PSD3: variants seen among roughly 807,000 people sequenced by gnomAD.
PSD3 encodes the protein PH and SEC7 domain-containing protein 3.
In PSD3, 49 loss-of-function variants were observed where a neutral mutation model predicts 105.5. The observed-to-expected ratio is 0.46, with a 90% confidence interval of 0.37 to 0.59. PSD3 has a LOEUF of 0.59. Ranked by LOEUF, PSD3 falls within the 20% of genes least tolerant of loss-of-function variation. The probability of loss-of-function intolerance (pLI) is 0.00; values close to 1 mark genes in which losing one functional copy is unlikely to be tolerated. For missense variants in PSD3, 1,561 were observed against 1,263.8 expected, an observed-to-expected ratio of 1.24 and a Z score of -3.57; for synonymous variants, 557 against 457.8, an observed-to-expected ratio of 1.22 and a Z score of -2.77.
chr8:18,808,967 T>C (rs1811444742), intron 4 of PSD3: 1 of 1,408,804 alleles, frequency 7.1e-7, no homozygotes, highest in Admixed American at 3.0e-5. Context: ...GTTTCTGTAA[T>C]GTTTCTGCAG....
chr8:19,042,188 T>C (rs1828147075), intron 1 of PSD3, among the ~76,000 whole-genome samples: 1 of 152,224 alleles, frequency 6.6e-6, no homozygotes, highest in Non-Finnish European at 1.5e-5. Context: ...GAGTCCTACA[T>C]TGCACATATG....
At chr8:18,567,473 G>C (rs752814891) in intron 14 of PSD3, among the ~76,000 whole-genome samples, 2 of 152,140 alleles carry the variant, frequency 1.3e-5, no homozygotes, top group Non-Finnish European at 2.9e-5. Context: ...CTGGTCATCA[G>C]TAAGAGCATT....
chr8:18,663,146 G>C (rs1190872844), intron 9 of PSD3, among the ~76,000 whole-genome samples: 1 of 152,162 alleles, frequency 6.6e-6, no homozygotes, highest in East Asian at 1.9e-4. Flanking sequence ...TGAAAGTGAA[G>C]GCCGGGCGCA....
intron 4 of PSD3, among the ~76,000 whole-genome samples, chr8:18,835,320 C>A (rs189054479): frequency 6.6e-6 from 1 of 152,184 alleles, no homozygotes; most frequent in Admixed American, 6.5e-5. Flanking sequence ...CTGTTTTTCA[C>A]GCATTACTCA....
chr8:19,062,312 TG>T lies in PSD3; in HGVS notation c.324+21893del, dbSNP rs140853991. 4.4e-3 allele frequency among the ~76,000 whole-genome samples: 664 copies of T among 152,324 alleles called. 6 individuals carry two copies. The highest frequency in any genetic ancestry group is 0.015 in the African/African-American group (635 of 41,580). ...AGGCAGACTGGTGTTCCTCTCAGTG[TG>T]TTTTGCAGTTGGGATAGAAAGATGA... On this transcript the variant is annotated intron_variant, in intron 1 of 1. Transcript: ENST00000521475.
intron 9 of PSD3, among the ~76,000 whole-genome samples, chr8:18,709,412 G>A (rs542287435): frequency 3.0e-4 from 46 of 152,334 alleles, no homozygotes; most frequent in Admixed American, 5.2e-4. Flanking sequence ...AATCTCTCCC[G>A]CCTGCTGGCT....
At chr8:18,951,021 A>C (rs1823204691) in intron 1 of PSD3, among the ~76,000 whole-genome samples, 1 of 152,156 alleles carries the variant, frequency 6.6e-6, no homozygotes, top group Non-Finnish European at 1.5e-5. Flanking sequence ...CTGCATTTTG[A>C]CTTGACTCCT....
intron 9 of PSD3, among the ~76,000 whole-genome samples, chr8:18,701,074 T>C (rs1016882538): frequency 7.9e-5 from 12 of 151,836 alleles, no homozygotes; most frequent in Non-Finnish European, 1.5e-4. Flanking sequence ...TAAGCAATCC[T>C]CTCACCCCAG....
At chr8:18,994,476 G>C (rs1329536164) in intron 1 of PSD3, among the ~76,000 whole-genome samples, 2 of 152,002 alleles carry the variant, frequency 1.3e-5, no homozygotes, top group African/African-American at 4.8e-5. Context: ...AACTGTGCTT[G>C]TCATACCTGC....
chr8:18,790,543 C>A lies in PSD3; in HGVS notation c.2082+8752G>T, dbSNP rs374702417. On this transcript the variant is annotated intron_variant, in intron 8 of 15. Transcript: ENST00000327040. ...GGTCTCTATCTCCTGACCTCGTGATCTGCCCACCTTGGCCTCCCAAAGTGC... is the reference window on the plus strand; with the variant it reads ...GGTCTCTATCTCCTGACCTCGTGATATGCCCACCTTGGCCTCCCAAAGTGC... Among the ~76,000 whole-genome samples the A allele has an allele frequency of 1.4e-3, 210 of 152,220 alleles. No homozygotes were observed. In the Middle Eastern group the frequency reaches 0.02, roughly 15 times the overall value.
At chr8:18,697,932 A>C (rs1801352666) in intron 9 of PSD3, among the ~76,000 whole-genome samples, 1 of 152,242 alleles carries the variant, frequency 6.6e-6, no homozygotes, top group African/African-American at 2.4e-5. Context: ...GGAAAGATGA[A>C]TAATGGTCCC....
intron 1 of PSD3, among the ~76,000 whole-genome samples, chr8:19,043,570 G>C (rs1237717254): frequency 6.6e-6 from 1 of 152,152 alleles, no homozygotes; most frequent in South Asian, 2.1e-4. Flanking sequence ...TCTATGGTTT[G>C]AGCGTTTGTC....
chr8:18,537,314 A>T (rs1020229829), intron 15 of PSD3, among the ~76,000 whole-genome samples: 1 of 152,106 alleles, frequency 6.6e-6, no homozygotes, highest in African/African-American at 2.4e-5. Flanking sequence ...AAGAAATGAA[A>T]CTCGGATTTG....
intron 1 of PSD3, among the ~76,000 whole-genome samples, chr8:18,964,201 T>A (rs982964995): frequency 6.6e-6 from 1 of 152,206 alleles, no homozygotes; most frequent in Non-Finnish European, 1.5e-5. Context: ...CATGGCTCAA[T>A]GCAGCCTGGA....
chr8:18,982,675 C>T (rs937732680), intron 1 of PSD3, among the ~76,000 whole-genome samples: 1 of 152,180 alleles, frequency 6.6e-6, no homozygotes, highest in Non-Finnish European at 1.5e-5. Flanking sequence ...AGGTGCATGG[C>T]TGAAGAGCAG....
chr8:18,899,249 C>T (rs1819344659), intron 2 of PSD3, among the ~76,000 whole-genome samples: 1 of 152,168 alleles, frequency 6.6e-6, no homozygotes, highest in Non-Finnish European at 1.5e-5. Flanking sequence ...CTGATATCTA[C>T]ATCTTGAAAT....
chr8:18,731,308 G>C (rs186037498), intron 9 of PSD3, among the ~76,000 whole-genome samples: 2 of 152,224 alleles, frequency 1.3e-5, no homozygotes, highest in African/African-American at 2.4e-5. Flanking sequence ...CATTTATTCT[G>C]ACTATGGACT....
At chr8:18,789,989 C>A (rs1809544993) in intron 8 of PSD3, among the ~76,000 whole-genome samples, 1 of 151,720 alleles carries the variant, frequency 6.6e-6, no homozygotes, top group South Asian at 2.1e-4. Context: ...ACTGACACAA[C>A]TGATTAAAGC....
intron 1 of PSD3, chr8:19,000,006 G>A (rs1471036955): frequency 6.6e-6 from 1 of 150,458 alleles, no homozygotes; most frequent in South Asian, 2.1e-4. Context: ...TATTTTATTA[G>A]ACTTTCTTTC....
Sources: gnomAD v4.1 joint callset for allele counts (sites outside exome capture counted in the v4.1 genomes callset) on GRCh38, gnomAD v4.1.1 for gene constraint, MANE v1.5 for transcripts, NCBI Gene and HGNC (gene_info 2026-07-23, HGNC 2026-07-21) for gene names.